The following EXOC4 variants were observed in gnomAD, a reference collection of about 807,000 sequenced individuals.
The protein encoded by EXOC4 is SEC8-like 1.
In EXOC4, 71 loss-of-function variants were observed where a neutral mutation model predicts 107.2. The ratio of observed to expected loss-of-function variants is 0.66; its 90% CI spans 0.55 to 0.81. The LOEUF (loss-of-function observed/expected upper bound fraction) is 0.81. Ranked by LOEUF, EXOC4 falls within the 30% of genes least tolerant of loss-of-function variation. The pLI, the probability that EXOC4 is intolerant of heterozygous loss-of-function variation, is 0.00. For synonymous variants in EXOC4, 456 were observed against 441.2 expected (o/e 1.03, Z -0.42); for missense variants, 1,108 against 1,189.6 (o/e 0.93, Z 1.01).
At chr7:133,368,396 A>C (rs1796292195) in intron 6 of EXOC4, among the ~76,000 whole-genome samples, 1 of 152,206 alleles carries the variant, frequency 6.6e-6, no homozygotes, top group Non-Finnish European at 1.5e-5. Flanking sequence ...GGACTTTACT[A>C]ATCAAGCTGT....
intron 9 of EXOC4, among the ~76,000 whole-genome samples, chr7:133,502,176 A>G (rs1799588129): frequency 1.3e-5 from 2 of 152,140 alleles, no homozygotes; most frequent in South Asian, 2.1e-4. Context: ...GTAAAAAAAA[A>G]GAAAAAAGAG....
chr7:133,316,337 C>T (rs1794990366), intron 4 of EXOC4, among the ~76,000 whole-genome samples: 1 of 152,094 alleles, frequency 6.6e-6, no homozygotes. Context: ...TTCCCCTTTG[C>T]CTGCTCTAGC....
At chr7:134,011,826 G>C (rs1044885783) in intron 17 of EXOC4, among the ~76,000 whole-genome samples, 1 of 151,590 alleles carries the variant, frequency 6.6e-6, no homozygotes, top group African/African-American at 2.4e-5. Context: ...GGGGACCAGA[G>C]GGTGCCAGAG....
At chr7:134,042,964 C>CT (rs1795554948) in intron 17 of EXOC4, among the ~76,000 whole-genome samples, 1 of 152,142 alleles carries the variant, frequency 6.6e-6, no homozygotes, top group African/African-American at 2.4e-5. Flanking sequence ...TTGCTTGAGC[C>CT]CGGGAGGTGG....
intron 7 of EXOC4, among the ~76,000 whole-genome samples, chr7:133,395,204 G>A (rs547847781): frequency 6.6e-6 from 1 of 151,536 alleles, no homozygotes; most frequent in East Asian, 1.9e-4. Context: ...TGTGAAATAG[G>A]GGCATTTAAA....
intron 13 of EXOC4, among the ~76,000 whole-genome samples, chr7:133,928,474 A>G (rs1800100652): frequency 6.6e-6 from 1 of 152,160 alleles, no homozygotes; most frequent in African/African-American, 2.4e-5. Context: ...GCCTCCTCAC[A>G]TCTGTCTTTC....
intron 11 of EXOC4, among the ~76,000 whole-genome samples, chr7:133,873,097 G>A (rs1355304168): frequency 1.3e-5 from 2 of 152,198 alleles, no homozygotes; most frequent in African/African-American, 2.4e-5. Flanking sequence ...ATTATTTGAG[G>A]CAGGAGTTTG....
intron 10 of EXOC4, among the ~76,000 whole-genome samples, chr7:133,631,967 C>G (rs1367107994): frequency 6.6e-6 from 1 of 152,058 alleles, no homozygotes; most frequent in Non-Finnish European, 1.5e-5. Context: ...AAAAGAAACC[C>G]TTTAGAAACT....
intron 10 of EXOC4, among the ~76,000 whole-genome samples, chr7:133,812,778 TC>T (rs749266471): frequency 6.6e-5 from 10 of 152,160 alleles, no homozygotes; most frequent in Non-Finnish European, 1.3e-4. Context: ...CTTAGTGATT[TC>T]TAGTATCCAC....
At chr7:133,794,442 GAGA>G (rs1417432026) in intron 10 of EXOC4, among the ~76,000 whole-genome samples, 1 of 152,130 alleles carries the variant, frequency 6.6e-6, no homozygotes, top group Non-Finnish European at 1.5e-5. Flanking sequence ...GTGAGCCCAG[GAGA>G]AGAACCTTAT....
chr7:133,940,985 G>A (rs1172784577), intron 14 of EXOC4, among the ~76,000 whole-genome samples: 3 of 151,326 alleles, frequency 2.0e-5, no homozygotes, highest in East Asian at 1.9e-4. Flanking sequence ...CTGTGATAGG[G>A]TGGAAAAAGT....
At chr7:133,936,341 G>A (rs565591794) in intron 13 of EXOC4, among the ~76,000 whole-genome samples, 2 of 152,354 alleles carry the variant, frequency 1.3e-5, no homozygotes, top group African/African-American at 4.8e-5. Context: ...CACAGCAGTT[G>A]TTTCTTTCAA....
At chr7:133,293,203 C>A (rs564838099) in intron 3 of EXOC4, among the ~76,000 whole-genome samples, 1 of 152,206 alleles carries the variant, frequency 6.6e-6, no homozygotes, top group South Asian at 2.1e-4. Flanking sequence ...GCAAAAATTT[C>A]GTGGAGGTAG....
In EXOC4 at chr7:133,937,923, T is replaced by C. The variant is rs966999471; in HGVS notation, c.2060T>C (p.Ile687Thr). The change falls in exon 14 of 18, where the codon ATT becomes ACT. Residue 687 changes from isoleucine (I) to threonine (T), a missense_variant. Transcript: ENST00000253861. Reference protein sequence around the residue: ...AAFGKESEVLIGNLGDKLIPP... With the variant: ...AAFGKESEVLTGNLGDKLIPP... ...TTTGGCAAGGAGTCTGAAGTTCTTATTGGGAACCTGGGTGATAAATTAATC... is the reference window on the plus strand; with the variant it reads ...TTTGGCAAGGAGTCTGAAGTTCTTACTGGGAACCTGGGTGATAAATTAATC... The C allele has an allele frequency of 1.2e-6, 2 of 1,614,196 alleles. No individual in the cohort carries two copies. The highest frequency in any genetic ancestry group is 1.7e-6 in the Non-Finnish European group (2 of 1,180,026).
intron 3 of EXOC4, among the ~76,000 whole-genome samples, chr7:133,295,117 A>G (rs779959231): frequency 3.9e-5 from 6 of 152,132 alleles, no homozygotes; most frequent in Non-Finnish European, 5.9e-5. Flanking sequence ...CTTCCATGTT[A>G]TAATCTCAAA....
chr7:133,816,145 A>G (rs1019113351), intron 10 of EXOC4, among the ~76,000 whole-genome samples: 1 of 152,286 alleles, frequency 6.6e-6, no homozygotes, highest in South Asian at 2.1e-4. Context: ...AGGAGCTACC[A>G]ACAAAGTTTA....
At chr7:133,385,221 T>C (rs1796702873) in intron 7 of EXOC4, among the ~76,000 whole-genome samples, 1 of 152,276 alleles carries the variant, frequency 6.6e-6, no homozygotes, top group Middle Eastern at 3.4e-3. Context: ...TTTTGGTCAA[T>C]TGGGTAGCTC....
At chr7:133,417,400 G>A (rs1797503429) in intron 7 of EXOC4, among the ~76,000 whole-genome samples, 1 of 152,152 alleles carries the variant, frequency 6.6e-6, no homozygotes, top group Non-Finnish European at 1.5e-5. Context: ...AGGTCTGACT[G>A]CGTGTCAACT....
At chr7:133,818,904 A>G (rs1797439662) in intron 11 of EXOC4, among the ~76,000 whole-genome samples, 2 of 150,800 alleles carry the variant, frequency 1.3e-5, no homozygotes, top group African/African-American at 4.8e-5. Context: ...GGACTGTGTC[A>G]TGGAGGCCCC....
Sources: allele counts gnomAD v4.1 joint callset (sites outside exome capture counted in the v4.1 genomes callset), GRCh38; gene constraint gnomAD v4.1.1; transcripts MANE v1.5; gene names NCBI Gene and HGNC (gene_info 2026-07-23, HGNC 2026-07-21).